BNC2: variants seen among roughly 807,000 people sequenced by gnomAD.
BNC2 encodes the protein zinc finger protein basonuclin-2.
Under a neutral mutation model 76.3 loss-of-function variants are expected in BNC2, and 20 were observed. The observed-to-expected ratio is 0.26, with a 90% CI of 0.18 to 0.38. The LOEUF (loss-of-function observed/expected upper bound fraction) is 0.38, where lower values mean the gene tolerates loss of function less well. BNC2 is among the 10% of genes least tolerant of loss of function. The pLI, the probability that BNC2 is intolerant of heterozygous loss-of-function variation, is 1.00. For missense variants in BNC2, 1,382 were observed against 1,399.8 expected (o/e 0.99, Z 0.20); for synonymous variants, 582 against 514.8 (o/e 1.13, Z -1.77).
chr9:16,693,839 G>A (rs1253559794), intron 3 of BNC2, among the ~76,000 whole-genome samples: 2 of 152,188 alleles, frequency 1.3e-5, no homozygotes, highest in African/African-American at 2.4e-5. Flanking sequence ...ACATTAGAAA[G>A]AAATTATGTG....
At chr9:16,575,828 G>A (rs1212471898) in intron 4 of BNC2, among the ~76,000 whole-genome samples, 1 of 152,182 alleles carries the variant, frequency 6.6e-6, no homozygotes, top group Non-Finnish European at 1.5e-5. Context: ...CCAAAACTAG[G>A]AGGCAGCTAA....
chr9:16,568,169 A>C (rs1470939917), intron 4 of BNC2, among the ~76,000 whole-genome samples: 1 of 152,066 alleles, frequency 6.6e-6, no homozygotes, highest in Non-Finnish European at 1.5e-5. Flanking sequence ...AGCTTTTAGG[A>C]GCTCTGGATC....
At chr9:16,707,769 G>C (rs1201752154) in intron 3 of BNC2, among the ~76,000 whole-genome samples, 1 of 152,156 alleles carries the variant, frequency 6.6e-6, no homozygotes, top group East Asian at 1.9e-4. Context: ...AGCCTCCTGA[G>C]TAGCTGGGAC....
At chr9:16,644,879 CT>C (rs968944918) in intron 3 of BNC2, among the ~76,000 whole-genome samples, 12 of 152,130 alleles carry the variant, frequency 7.9e-5, no homozygotes, top group East Asian at 5.8e-4. Context: ...ACTTACTTTG[CT>C]TTTTCTCTTT....
intron 3 of BNC2, among the ~76,000 whole-genome samples, chr9:16,667,080 T>C (rs79689982): frequency 7.1e-4 from 101 of 142,492 alleles, no homozygotes; most frequent in East Asian, 4.7e-3. Context: ...CAGATACACA[T>C]ACACACACAC....
chr9:16,536,304 T>C (rs1818128668), intron 5 of BNC2, among the ~76,000 whole-genome samples: 1 of 152,152 alleles, frequency 6.6e-6, no homozygotes, highest in Non-Finnish European at 1.5e-5. Flanking sequence ...CATGCAACAT[T>C]GTGGAAAAAT....
chr9:16,779,130 A>AGAAAAAAAAG (rs1554729001), intron 1 of BNC2, among the ~76,000 whole-genome samples: 4 of 87,634 alleles, frequency 4.6e-5, no homozygotes, highest in African/African-American at 1.6e-4. Context: ...AAAAAAAAAA[A>AGAAAAAAAAG]AAAAGAAAAG....
chr9:16,625,486 C>T (rs1820968277), intron 3 of BNC2, among the ~76,000 whole-genome samples: 1 of 152,098 alleles, frequency 6.6e-6, no homozygotes, highest in Non-Finnish European at 1.5e-5. Context: ...GGGAACTCCC[C>T]TGAGATAAAG....
chr9:16,826,841 C>A (rs748310087), intron 1 of BNC2, among the ~76,000 whole-genome samples: 14 of 151,774 alleles, frequency 9.2e-5, no homozygotes, highest in Non-Finnish European at 1.8e-4. Flanking sequence ...GATGGATGAT[C>A]GATGGATGGA....
intron 5 of BNC2, among the ~76,000 whole-genome samples, chr9:16,464,045 G>A (rs1253455157): frequency 7.9e-6 from 1 of 126,970 alleles, no homozygotes; most frequent in African/African-American, 3.0e-5. Context: ...AGTGAGCCAA[G>A]ATTGTGCTAC....
intron 4 of BNC2, among the ~76,000 whole-genome samples, chr9:16,575,847 T>C (rs1286995304): frequency 6.6e-6 from 1 of 152,212 alleles, no homozygotes; most frequent in Non-Finnish European, 1.5e-5. Context: ...AAAAGCTGTT[T>C]TCCCTGAGCA....
intron 5 of BNC2, among the ~76,000 whole-genome samples, chr9:16,531,158 TA>T (rs1021441329): frequency 6.6e-6 from 1 of 152,144 alleles, no homozygotes; most frequent in Admixed American, 6.5e-5. Flanking sequence ...CTGGCAGTGT[TA>T]AACACTTGCA....
chr9:16,761,988 G>A (rs1331889971), intron 1 of BNC2, among the ~76,000 whole-genome samples: 2 of 152,178 alleles, frequency 1.3e-5, no homozygotes, highest in Non-Finnish European at 2.9e-5. Context: ...AATGAACATG[G>A]AAAGTAGCAA....
Position 16,453,837 on chromosome 9 carries a change from C to T in BNC2, c.670-16313G>A, listed in dbSNP as rs190023915. On this transcript the variant is annotated intron_variant, in intron 5 of 6. Coordinates refer to ENST00000380672, the MANE Select transcript of BNC2 (RefSeq NM_017637.6). ...CAAAACAAAACAAACAAAACCTCAACGGTCCCATTTGCTAAATGATTTAAG... is the reference window on the plus strand; with the variant it reads ...CAAAACAAAACAAACAAAACCTCAATGGTCCCATTTGCTAAATGATTTAAG... 7.9e-5 allele frequency among the ~76,000 whole-genome samples: 12 copies of T among 152,254 alleles called. No homozygotes were observed. The East Asian group carries it at 1.2e-3, about 15-fold the overall frequency.
At chr9:16,725,640 A>G (rs1425585448) in intron 3 of BNC2, among the ~76,000 whole-genome samples, 2 of 152,202 alleles carry the variant, frequency 1.3e-5, no homozygotes, top group African/African-American at 4.8e-5. Flanking sequence ...TTAGTTCCCT[A>G]TATTTCTATT....
intron 4 of BNC2, among the ~76,000 whole-genome samples, chr9:16,563,743 A>G (rs1157899183): frequency 3.9e-5 from 6 of 152,292 alleles, no homozygotes; most frequent in African/African-American, 9.6e-5. Context: ...TAGAACTGAT[A>G]GTGTACCTTT....
At chr9:16,668,765 G>A (rs973214779) in intron 3 of BNC2, among the ~76,000 whole-genome samples, 2 of 152,178 alleles carry the variant, frequency 1.3e-5, no homozygotes, top group Non-Finnish European at 2.9e-5. Context: ...TAATCTCTTT[G>A]ACTTTCTCTT....
chr9:16,690,441 A>C (rs911742658), intron 3 of BNC2, among the ~76,000 whole-genome samples: 4 of 152,058 alleles, frequency 2.6e-5, no homozygotes, highest in African/African-American at 9.7e-5. Context: ...TGGGTGACAG[A>C]GTGAAACCCT....
intron 5 of BNC2, among the ~76,000 whole-genome samples, chr9:16,461,413 T>G (rs1482990264): frequency 1.3e-5 from 2 of 152,204 alleles, no homozygotes; most frequent in East Asian, 3.9e-4. Context: ...TGAATGAGGA[T>G]TTATGCTGTG....
Sources: gnomAD v4.1 joint callset for allele counts (sites outside exome capture counted in the v4.1 genomes callset) on GRCh38, gnomAD v4.1.1 for gene constraint, MANE v1.5 for transcripts, NCBI Gene and HGNC (gene_info 2026-07-23, HGNC 2026-07-21) for gene names.